The following RBFOX1 variants were observed in gnomAD, a reference collection of about 807,000 sequenced individuals.
The protein encoded by RBFOX1 is RNA binding protein fox-1 homolog 1.
A neutral mutation model predicts 57.7 loss-of-function variants in RBFOX1; 8 were observed. The observed-to-expected ratio is 0.14, with a 90% CI of 0.08 to 0.25. The LOEUF is 0.25. Ranked by LOEUF, RBFOX1 falls within the 10% of genes least tolerant of loss-of-function variation. The pLI is 1.00. For synonymous variants in RBFOX1, 326 were observed against 222.4 expected, an observed-to-expected ratio of 1.47 and a Z score of -4.15; for missense variants, 611 against 548.5, an observed-to-expected ratio of 1.11 and a Z score of -1.14.
chr16:5,921,610 G>A (rs2058823509), intron 4 of RBFOX1, among the ~76,000 whole-genome samples: 1 of 152,174 alleles, frequency 6.6e-6, no homozygotes, highest in South Asian at 2.1e-4. Flanking sequence ...ATAGGAAAAG[G>A]AAGTGTGTTA....
chr16:6,773,956 T>A (rs2078898621), intron 3 of RBFOX1: 3 of 985,220 alleles, frequency 3.0e-6, no homozygotes, highest in Non-Finnish European at 3.6e-6. Context: ...CACACGCACA[T>A]GGTTCTCATG....
At chr16:6,276,055 C>T (rs1460960536) in intron 1 of RBFOX1, among the ~76,000 whole-genome samples, 1 of 152,142 alleles carries the variant, frequency 6.6e-6, no homozygotes, top group Non-Finnish European at 1.5e-5. Flanking sequence ...AGTCTTCTCT[C>T]ATTGGAGGGG....
intron 2 of RBFOX1, among the ~76,000 whole-genome samples, chr16:5,509,361 C>T (rs1048569562): frequency 1.1e-4 from 16 of 152,122 alleles, no homozygotes; most frequent in African/African-American, 1.4e-4. Flanking sequence ...TGAGGAGAAG[C>T]GGGTGATCTC....
intron 3 of RBFOX1, among the ~76,000 whole-genome samples, chr16:5,609,308 A>G (rs1419046171): frequency 2.0e-5 from 3 of 152,152 alleles, no homozygotes; most frequent in Non-Finnish European, 4.4e-5. Flanking sequence ...TGAATTTCCA[A>G]TACGCCATCA....
intron 12 of RBFOX1, among the ~76,000 whole-genome samples, chr16:7,655,391 C>T (rs1373397665): frequency 6.6e-6 from 1 of 152,188 alleles, no homozygotes; most frequent in African/African-American, 2.4e-5. Flanking sequence ...CATATTTTAA[C>T]TGAAAAGACG....
At chr16:6,769,150 G>C (rs1217944047) in intron 3 of RBFOX1, among the ~76,000 whole-genome samples, 1 of 152,190 alleles carries the variant, frequency 6.6e-6, no homozygotes, top group East Asian at 1.9e-4. Context: ...AATGGAGGCA[G>C]GTCATTCCCA....
intron 1 of RBFOX1, among the ~76,000 whole-genome samples, chr16:6,136,228 C>A (rs751238690): frequency 6.6e-6 from 1 of 152,158 alleles, no homozygotes; most frequent in Non-Finnish European, 1.5e-5. Flanking sequence ...CTTGCTTCCC[C>A]AGCAGTCCAA....
At chr16:7,248,348 C>T (rs540270779) in intron 4 of RBFOX1, among the ~76,000 whole-genome samples, 69 of 152,260 alleles carry the variant, frequency 4.5e-4, no homozygotes, top group African/African-American at 8.4e-4. Flanking sequence ...GCCATTTTGT[C>T]GTCAGCTCTT....
At chr16:5,795,879 A>G (rs769993652) in intron 3 of RBFOX1, among the ~76,000 whole-genome samples, 1 of 152,094 alleles carries the variant, frequency 6.6e-6, no homozygotes, top group Non-Finnish European at 1.5e-5. Context: ...TCTCTGTTGC[A>G]TTTTCTAATG....
At chr16:6,812,437 G>A (rs547713165) in intron 3 of RBFOX1, among the ~76,000 whole-genome samples, 1 of 152,006 alleles carries the variant, frequency 6.6e-6, no homozygotes, top group Admixed American at 6.6e-5. Flanking sequence ...GCAGTGGCCC[G>A]ATCTCGGCTC....
At chr16:7,190,930 T>C (rs1349936323) in intron 4 of RBFOX1, among the ~76,000 whole-genome samples, 2 of 152,122 alleles carry the variant, frequency 1.3e-5, no homozygotes, top group African/African-American at 2.4e-5. Flanking sequence ...AAGACCTTTT[T>C]TTTTTCCTGG....
At chr16:6,932,269 A>T (rs1335295234) in intron 3 of RBFOX1, among the ~76,000 whole-genome samples, 1 of 151,856 alleles carries the variant, frequency 6.6e-6, no homozygotes, top group Non-Finnish European at 1.5e-5. Context: ...ACACCTGGCT[A>T]ATTTTTTTTG....
At chr16:6,911,032 C>G (rs187748886) in intron 3 of RBFOX1, among the ~76,000 whole-genome samples, 6 of 152,104 alleles carry the variant, frequency 3.9e-5, no homozygotes, top group East Asian at 1.9e-4. Flanking sequence ...GAAACCCCGT[C>G]TCTACCAAAA....
At chr16:6,926,955 T>C (rs1205907439) in intron 3 of RBFOX1, among the ~76,000 whole-genome samples, 1 of 152,154 alleles carries the variant, frequency 6.6e-6, no homozygotes, top group Admixed American at 6.5e-5. Flanking sequence ...TGCTCCTCCT[T>C]GCCTTACTCA....
In RBFOX1 at chr16:6,523,182, T is replaced by C. The variant is rs143470543; in HGVS notation, c.-63-131421T>C. Among the ~76,000 whole-genome samples, 1,155 of 152,204 alleles carry C rather than the reference T, an allele frequency of 7.6e-3. 12 individuals carry two copies. The highest frequency in any genetic ancestry group is 9.0e-3 in the Non-Finnish European group (614 of 68,018). The stretch of plus-strand genomic sequence containing the variant: ...TGACTGTCTTTGTCCTGCTTACTCA[T>C]CTCTCTCTTCTCAGCATGCAGAGGA... On this transcript the variant is annotated intron_variant, in intron 2 of 15. Transcript: ENST00000550418.
chr16:6,970,687 C>T (rs1331708044), intron 3 of RBFOX1, among the ~76,000 whole-genome samples: 1 of 152,168 alleles, frequency 6.6e-6, no homozygotes, highest in Non-Finnish European at 1.5e-5. Context: ...TTCTAAAAAT[C>T]CTAGCTCTTA....
At chr16:7,135,298 G>A (rs2071610373) in intron 4 of RBFOX1, among the ~76,000 whole-genome samples, 2 of 152,208 alleles carry the variant, frequency 1.3e-5, no homozygotes, top group Admixed American at 1.3e-4. Context: ...GAGGCTTAGA[G>A]AGACTCCACA....
chr16:5,312,052 G>GGAGATGTA lies in RBFOX1; in HGVS notation c.219+71950_219+71951insATGTAGAG, dbSNP rs2064105469. ...GCACCTAATACCTAGAAGGGGCTCA[G>GGAGATGTA]GAGGGGCTGCATGAATGAAACCCCA... On this transcript the variant is annotated intron_variant, in intron 1 of 2. Transcript: ENST00000585867. Among the ~76,000 whole-genome samples, 4 of 152,336 alleles carry GGAGATGTA rather than the reference G, an allele frequency of 2.6e-5. No homozygotes were observed. In the South Asian group the frequency reaches 6.2e-4, roughly 24 times the overall value.
chr16:6,364,338 C>A (rs115516175), intron 2 of RBFOX1, among the ~76,000 whole-genome samples: 1,868 of 152,248 alleles, frequency 0.012, 37 homozygotes, highest in African/African-American at 0.042. Context: ...TCTCTTCTTC[C>A]CTCATTTCCT....
Sources: gnomAD v4.1 joint callset for allele counts (sites outside exome capture counted in the v4.1 genomes callset) on GRCh38, gnomAD v4.1.1 for gene constraint, MANE v1.5 for transcripts, NCBI Gene and HGNC (gene_info 2026-07-23, HGNC 2026-07-21) for gene names.